The following RAB38 variants were observed in gnomAD, a reference collection of about 807,000 sequenced individuals.
The protein encoded by RAB38 is RAB38, member RAS oncogene family, also known as ras-related protein Rab-38.
A neutral mutation model predicts 18.4 loss-of-function variants in RAB38; 15 were observed. The ratio of observed to expected loss-of-function variants is 0.82; its 90% CI spans 0.55 to 1.26. RAB38 has a LOEUF of 1.26. Ranked by LOEUF, RAB38 falls within the 50% of genes most tolerant of loss-of-function variation. The pLI, the probability that RAB38 is intolerant of heterozygous loss-of-function variation, is 0.00. For synonymous variants in RAB38, 101 were observed against 104.4 expected (o/e 0.97, Z 0.20); for missense variants, 294 against 267.4 (o/e 1.10, Z -0.69).
chr11:88,121,572 G>GT (rs1042452800), intron 2 of RAB38, among the ~76,000 whole-genome samples: 32 of 152,060 alleles, frequency 2.1e-4, no homozygotes, highest in African/African-American at 5.3e-4. Flanking sequence ...CTCTTTTTTT[G>GT]TTTTTTGTGA....
chr11:88,053,135 T>C, the RAB38 span, among the ~76,000 whole-genome samples: 1 of 130,928 alleles, frequency 7.6e-6, no homozygotes, highest in African/African-American at 2.9e-5. Flanking sequence ...ATATTATATA[T>C]ACAATATATA....
chr11:87,867,271 A>G, the RAB38 span, among the ~76,000 whole-genome samples: 3 of 151,684 alleles, frequency 2.0e-5, no homozygotes. Context: ...AGTGATCCAA[A>G]TTGTTATTTC....
At chr11:87,901,209 T>C in the RAB38 span, among the ~76,000 whole-genome samples, 6 of 151,516 alleles carry the variant, frequency 4.0e-5, no homozygotes, top group Non-Finnish European at 8.9e-5. Flanking sequence ...TAAATAGGCA[T>C]TGAGGGTTGA....
At chr11:87,887,868 A>G in the RAB38 span, among the ~76,000 whole-genome samples, 4 of 151,970 alleles carry the variant, frequency 2.6e-5, no homozygotes, top group Admixed American at 1.3e-4. Context: ...TGTAATAACA[A>G]TATAAGAAAA....
chr11:87,826,357 CAAAAG>C, the RAB38 span, among the ~76,000 whole-genome samples: 4,568 of 151,886 alleles, frequency 0.03, 139 homozygotes, highest in African/African-American at 0.079. Context: ...ATAAAGGTGC[CAAAAG>C]AAAATATTTC....
chr11:87,820,771 CTAATATGCT>C, the RAB38 span, among the ~76,000 whole-genome samples: 2 of 152,058 alleles, frequency 1.3e-5, no homozygotes, highest in Non-Finnish European at 2.9e-5. Flanking sequence ...AAATAACTCT[CTAATATGCT>C]TAAAGAAAAA....
chr11:87,900,670 A>AGGAAGGAT, the RAB38 span, among the ~76,000 whole-genome samples: 1 of 104,892 alleles, frequency 9.5e-6, no homozygotes, highest in Non-Finnish European at 1.9e-5. Flanking sequence ...GTAGGAAGGA[A>AGGAAGGAT]GGAAGGAAGG....
the RAB38 span, among the ~76,000 whole-genome samples, chr11:87,868,566 A>G: frequency 4.3e-5 from 6 of 139,050 alleles, no homozygotes; most frequent in East Asian, 1.1e-3. Context: ...GGCTAAAATG[A>G]TAAGGAGTGA....
chr11:87,966,427 G>C, the RAB38 span, among the ~76,000 whole-genome samples: 1 of 152,102 alleles, frequency 6.6e-6, no homozygotes, highest in Non-Finnish European at 1.5e-5. Context: ...TGGCAATAAA[G>C]AGGTTTTCCA....
chr11:87,859,524 C>T, the RAB38 span, among the ~76,000 whole-genome samples: 1 of 151,932 alleles, frequency 6.6e-6, no homozygotes, highest in Non-Finnish European at 1.5e-5. Flanking sequence ...TTGATGGAAG[C>T]GCAATTTGCC....
the RAB38 span, among the ~76,000 whole-genome samples, chr11:87,917,529 G>GTTT: frequency 8.2e-5 from 6 of 73,204 alleles, no homozygotes; most frequent in Admixed American, 3.4e-4. Flanking sequence ...TCACTGAAGT[G>GTTT]TTTTTTTTTT....
chr11:87,885,171 A>T, the RAB38 span, among the ~76,000 whole-genome samples: 5 of 151,936 alleles, frequency 3.3e-5, no homozygotes, highest in Non-Finnish European at 7.4e-5. Context: ...GATACTTCAG[A>T]TGTACTGGGT....
the RAB38 span, among the ~76,000 whole-genome samples, chr11:88,085,116 G>A: frequency 1.3e-5 from 2 of 151,854 alleles, no homozygotes; most frequent in Non-Finnish European, 2.9e-5. Flanking sequence ...AGAACCTGGA[G>A]AAACAAACTT....
the RAB38 span, among the ~76,000 whole-genome samples, chr11:87,819,721 TA>T: frequency 2.0e-4 from 1 of 4,918 alleles, no homozygotes; most frequent in Non-Finnish European, 4.2e-4. Context: ...TATATACGTG[TA>T]TGTATATATA....
At chr11:88,077,225 T>C in the RAB38 span, among the ~76,000 whole-genome samples, 2 of 151,840 alleles carry the variant, frequency 1.3e-5, no homozygotes, top group Admixed American at 6.6e-5. Context: ...TATGACCAAA[T>C]GCACTTTAAA....
At chr11:87,904,829 G>T in the RAB38 span, among the ~76,000 whole-genome samples, 7 of 151,612 alleles carry the variant, frequency 4.6e-5, no homozygotes, top group Non-Finnish European at 1.0e-4. Context: ...GTAACATTTT[G>T]ATTATGATGT....
chr11:87,858,288 G>C, the RAB38 span, among the ~76,000 whole-genome samples: 1 of 152,090 alleles, frequency 6.6e-6, no homozygotes, highest in Non-Finnish European at 1.5e-5. Context: ...GGAGCTCTCT[G>C]ATCCCAGACC....
At chr11:88,050,076 A>C in the RAB38 span, 1 of 152,344 alleles carries the variant, frequency 6.6e-6, no homozygotes, top group Non-Finnish European at 1.5e-5. Flanking sequence ...TTCAAATAGT[A>C]CATGTGAATA....
At chr11:88,008,056 T>C in the RAB38 span, among the ~76,000 whole-genome samples, 1 of 151,400 alleles carries the variant, frequency 6.6e-6, no homozygotes, top group Admixed American at 6.6e-5. Flanking sequence ...ATCAGGAGAG[T>C]TGTGACATGT....
Sources: allele counts gnomAD v4.1 joint callset (sites outside exome capture counted in the v4.1 genomes callset), GRCh38; gene constraint gnomAD v4.1.1; transcripts MANE v1.5; gene names NCBI Gene and HGNC (gene_info 2026-07-23, HGNC 2026-07-21).